The following HERC3 variants were observed in gnomAD, a reference collection of about 807,000 sequenced individuals.
HERC3 encodes the protein probable E3 ubiquitin-protein ligase HERC3.
A neutral mutation model predicts 129.9 loss-of-function variants in HERC3; 58 were observed. The ratio of observed to expected loss-of-function variants is 0.45; its 90% CI spans 0.36 to 0.56. HERC3 has a LOEUF of 0.56. Among genes scored for constraint, HERC3 ranks in the 20% least tolerant of loss-of-function variants. The pLI, the probability that HERC3 is intolerant of heterozygous loss-of-function variation, is 0.00. For synonymous variants in HERC3, 430 were observed against 451.0 expected, an observed-to-expected ratio of 0.95 and a Z score of 0.59; for missense variants, 835 against 1,244.2, an observed-to-expected ratio of 0.67 and a Z score of 4.95.
chr4:88,653,612 G>A (rs1318310283), intron 6 of HERC3, among the ~76,000 whole-genome samples: 2 of 152,212 alleles, frequency 1.3e-5, no homozygotes, highest in Non-Finnish European at 2.9e-5. Flanking sequence ...GAGGAGAAGC[G>A]TGATCCACTT....
At chr4:88,597,688 C>G (rs1163533207) in intron 2 of HERC3, among the ~76,000 whole-genome samples, 1 of 152,190 alleles carries the variant, frequency 6.6e-6, no homozygotes, top group African/African-American at 2.4e-5. Context: ...AGTCATTCTT[C>G]CAGCTTCACA....
At chr4:88,572,894 C>G in the HERC3 span, among the ~76,000 whole-genome samples, 1 of 151,908 alleles carries the variant, frequency 6.6e-6, no homozygotes, top group Non-Finnish European at 1.5e-5. Context: ...AAAACTTAAT[C>G]ATAAACTGAA....
intron 23 of HERC3, among the ~76,000 whole-genome samples, chr4:88,699,309 A>G (rs1470864788): frequency 3.1e-5 from 1 of 32,744 alleles, no homozygotes; most frequent in East Asian, 1.7e-3. Context: ...ACCCAGCCCC[A>G]CCCTCTTCCT....
intron 3 of HERC3, among the ~76,000 whole-genome samples, chr4:88,616,460 A>G (rs1273133180): frequency 2.0e-5 from 3 of 152,236 alleles, no homozygotes; most frequent in African/African-American, 7.2e-5. Flanking sequence ...TGATCTTGTC[A>G]TAGGCTTAGT....
intron 2 of HERC3, among the ~76,000 whole-genome samples, chr4:88,602,005 G>A (rs1723034172): frequency 2.3e-5 from 2 of 85,392 alleles, no homozygotes; most frequent in South Asian, 9.8e-4. Context: ...GCAGTGAGCC[G>A]AGATCCCGCC....
the HERC3 span, chr4:88,528,090 G>T: frequency 3.6e-6 from 1 of 279,608 alleles, no homozygotes; most frequent in Non-Finnish European, 7.2e-6. Context: ...GTGTATATGT[G>T]CAATCCAGGT....
intron 11 of HERC3, among the ~76,000 whole-genome samples, chr4:88,663,660 G>C (rs1730738672): frequency 6.6e-6 from 1 of 152,130 alleles, no homozygotes; most frequent in Admixed American, 6.5e-5. Context: ...TGTTTCCTCA[G>C]AGCCTGTATA....
In HERC3 at chr4:88,649,917, C is replaced by G; in HGVS notation, c.304C>G (p.Arg102Gly). 1 of 1,613,984 alleles carries G rather than the reference C, an allele frequency of 6.2e-7. No homozygotes were observed. The highest frequency in any genetic ancestry group is 8.5e-7 in the Non-Finnish European group (1 of 1,179,946). ...GESHSLALSD[R>G]GQLFSWGAGS... ...GTCCCACAGTCTGGCCCTCAGTGACCGAGGCCAGCTGTTTTCTTGGGGTGC... is the reference window on the plus strand; with the variant it reads ...GTCCCACAGTCTGGCCCTCAGTGACGGAGGCCAGCTGTTTTCTTGGGGTGC... The change falls in exon 4 of 26, where the codon CGA (arginine) becomes GGA (glycine). Residue 102 changes from arginine to glycine, a missense_variant. Arg to Gly is a moderately radical substitution (Grantham distance 125). Transcript: ENST00000402738.
chr4:88,540,776 G>A, the HERC3 span, among the ~76,000 whole-genome samples: 2 of 152,212 alleles, frequency 1.3e-5, no homozygotes, highest in African/African-American at 4.8e-5. Flanking sequence ...CCAGAAGAGA[G>A]TGGGAGCCAA....
chr4:88,630,852 C>T (rs1726664916), intron 3 of HERC3, among the ~76,000 whole-genome samples: 1 of 152,070 alleles, frequency 6.6e-6, no homozygotes, highest in Admixed American at 6.6e-5. Flanking sequence ...TTAGATTATG[C>T]CACGGTTGGC....
chr4:88,693,446 A>G (rs1272358404), intron 23 of HERC3: 2 of 970,706 alleles, frequency 2.1e-6, no homozygotes, highest in Admixed American at 6.2e-5. Flanking sequence ...TTAAAAAAAA[A>G]GTTGCATTTC....
the HERC3 span, among the ~76,000 whole-genome samples, chr4:88,556,025 T>G: frequency 4.6e-5 from 7 of 152,178 alleles, no homozygotes; most frequent in Non-Finnish European, 8.8e-5. Flanking sequence ...AAAGGAGGTT[T>G]GAAATTGATG....
In HERC3 at chr4:88,706,883, A is replaced by G. The variant is rs1215281472; in HGVS notation, c.3076A>G (p.Lys1026Glu). Reference sequence around the variant, plus strand: ...TTGCTACAACCTTCTTGACCTCCCCAAGTACAGCAGCAAAGAGATTCTGAG... The same window carrying G: ...TTGCTACAACCTTCTTGACCTCCCCGAGTACAGCAGCAAAGAGATTCTGAG... ...HTCYNLLDLP[K>E]YSSKEILSAR... The change falls in exon 26 of 26, where the codon AAG becomes GAG. Residue 1026 changes from lysine to glutamate, a missense_variant. By Grantham distance (56) the Lys-to-Glu change is moderately conservative. Transcript: ENST00000402738. The G allele has an allele frequency of 1.9e-6, 3 of 1,614,020 alleles. No homozygotes were observed. In the African/African-American group the frequency reaches 4.0e-5, roughly 22 times the overall value.
chr4:88,584,857 T>C, the HERC3 span, among the ~76,000 whole-genome samples: 1 of 152,234 alleles, frequency 6.6e-6, no homozygotes. Flanking sequence ...TCTTGAAATG[T>C]TATCCAGTTA....
chr4:88,672,664 C>G (rs988887144), intron 16 of HERC3, among the ~76,000 whole-genome samples: 2 of 152,174 alleles, frequency 1.3e-5, no homozygotes, highest in African/African-American at 4.8e-5. Flanking sequence ...CAGTTCCTTA[C>G]TCTGGTCTAA....
the HERC3 span, among the ~76,000 whole-genome samples, chr4:88,557,035 C>T: frequency 6.6e-6 from 1 of 152,102 alleles, no homozygotes; most frequent in African/African-American, 2.4e-5. Context: ...TACATCTCCC[C>T]CTTCCTCCAT....
intron 3 of HERC3, among the ~76,000 whole-genome samples, chr4:88,611,130 G>T (rs778983742): frequency 8.5e-5 from 13 of 152,192 alleles, no homozygotes; most frequent in Non-Finnish European, 1.3e-4. Flanking sequence ...TTCTGTTGTT[G>T]GTTAAGCTTG....
the HERC3 span, among the ~76,000 whole-genome samples, chr4:88,565,985 T>C: frequency 6.6e-6 from 1 of 152,196 alleles, no homozygotes; most frequent in African/African-American, 2.4e-5. Flanking sequence ...TTTTTTAACT[T>C]TTATTTTAAG....
chr4:88,687,211 A>G lies in HERC3; in HGVS notation c.2575-6A>G. The G allele has an allele frequency of 6.2e-7, 1 of 1,604,272 alleles. No homozygotes were observed. The highest frequency in any genetic ancestry group is 8.5e-7 in the Non-Finnish European group (1 of 1,172,810). On this transcript the variant is annotated splice_region_variant and splice_polypyrimidine_tract_variant and intron_variant, in intron 22 of 25. Transcript: ENST00000402738. Reference sequence around the variant, plus strand: ...GAAATATTTCTTTTTTCCACCTTAAATATAGATCTGCCGAGAAAGCTATGG... The same window carrying G: ...GAAATATTTCTTTTTTCCACCTTAAGTATAGATCTGCCGAGAAAGCTATGG...
Sources: allele counts gnomAD v4.1 joint callset (sites outside exome capture counted in the v4.1 genomes callset), GRCh38; gene constraint gnomAD v4.1.1; transcripts MANE v1.5; gene names NCBI Gene and HGNC (gene_info 2026-07-23, HGNC 2026-07-21).